FTO: variants seen among roughly 807,000 people sequenced by gnomAD.
The protein encoded by FTO is FTO alpha-ketoglutarate dependent dioxygenase, also known as alpha-ketoglutarate-dependent dioxygenase FTO.
FTO carries 47 observed loss-of-function variants against 63.9 expected under a neutral mutation model. The ratio of observed to expected loss-of-function variants is 0.74; its 90% CI spans 0.58 to 0.94. The LOEUF is 0.94. Ranked by LOEUF, FTO falls within the 40% of genes least tolerant of loss-of-function variation. The probability of loss-of-function intolerance (pLI) is 0.00; values close to 1 mark genes in which losing one functional copy is unlikely to be tolerated. For synonymous variants in FTO, 207 were observed against 224.4 expected, an observed-to-expected ratio of 0.92 and a Z score of 0.69; for missense variants, 562 against 618.1, an observed-to-expected ratio of 0.91 and a Z score of 0.96.
intron 8 of FTO, among the ~76,000 whole-genome samples, chr16:53,951,029 G>A (rs1461721895): frequency 6.6e-6 from 1 of 152,072 alleles, no homozygotes; most frequent in Admixed American, 6.5e-5. Context: ...TTTATGTCCC[G>A]TTCTATATAG....
At chr16:54,082,215 A>C (rs1249967779) in intron 8 of FTO, among the ~76,000 whole-genome samples, 1 of 152,164 alleles carries the variant, frequency 6.6e-6, no homozygotes, top group African/African-American at 2.4e-5. Flanking sequence ...ACTCTCTCCA[A>C]ACTTTCCAGT....
intron 3 of FTO, among the ~76,000 whole-genome samples, chr16:53,841,357 T>TA (rs78861059): frequency 0.45 from 68,776 of 151,592 alleles, 16,119 homozygotes; most frequent in South Asian, 0.55. Context: ...GTTATTCTGT[T>TA]AAAAAAACCT....
chr16:53,755,892 CCT>C (rs2076913419), intron 1 of FTO, among the ~76,000 whole-genome samples: 2 of 152,124 alleles, frequency 1.3e-5, no homozygotes, highest in Non-Finnish European at 2.9e-5. Flanking sequence ...AGGGGCCGGG[CCT>C]CTGAGAACTT....
Position 53,796,051 on chromosome 16 carries a change from T to TTCTTTC in FTO, c.46-14088_46-14087insCTTTCT, listed in dbSNP as rs201399553. Among the ~76,000 whole-genome samples the TTCTTTC allele has an allele frequency of 1.5e-3, 202 of 139,250 alleles. 1 individual carries two copies. The highest frequency in any genetic ancestry group is 4.7e-3 in the African/African-American group (180 of 38,590). The allele number at this position is 139,250 out of a possible 152,430, so 91.4% of individuals were successfully genotyped here. ...TTGTTTTTTTTCTTTCTTTCTTTCT[T>TTCTTTC]TTTTTTTTTTTTTTGGAGACGGAGT... On this transcript the variant is annotated intron_variant, in intron 1 of 8. Coordinates refer to ENST00000471389, the MANE Select transcript of FTO (RefSeq NM_001080432.3).
intron 5 of FTO, among the ~76,000 whole-genome samples, chr16:53,879,244 C>T (rs1162517223): frequency 1.3e-5 from 2 of 152,128 alleles, no homozygotes; most frequent in Admixed American, 6.6e-5. Context: ...ATAAATAGGG[C>T]GTTAGCCTCC....
chr16:53,707,885 C>T (rs906411512), intron 1 of FTO, among the ~76,000 whole-genome samples: 4 of 152,196 alleles, frequency 2.6e-5, no homozygotes, highest in African/African-American at 9.7e-5. Flanking sequence ...TTTCTCAATT[C>T]TACTTCCTCC....
At chr16:53,852,701 T>C (rs1233276781) in intron 4 of FTO, among the ~76,000 whole-genome samples, 1 of 152,218 alleles carries the variant, frequency 6.6e-6, no homozygotes, top group Non-Finnish European at 1.5e-5. Context: ...ATACTGCACA[T>C]GTCAGGTCAA....
chr16:53,796,120 C>T (rs1337794716), intron 1 of FTO, among the ~76,000 whole-genome samples: 2 of 149,054 alleles, frequency 1.3e-5, no homozygotes, highest in African/African-American at 5.0e-5. Flanking sequence ...GCAATGCTGA[C>T]TGCAACCTCC....
intron 8 of FTO, chr16:53,935,895 G>A (rs2082380963): frequency 6.6e-6 from 1 of 152,176 alleles, no homozygotes; most frequent in South Asian, 2.1e-4. Context: ...GATGTCTTAT[G>A]TCGCCCTCAC....
At chr16:53,991,865 G>A (rs2083818636) in intron 8 of FTO, 1 of 152,152 alleles carries the variant, frequency 6.6e-6, no homozygotes, top group Non-Finnish European at 1.5e-5. Context: ...AACTGAAATT[G>A]TTTTGTTCTG....
chr16:54,112,477 A>G lies in FTO; in HGVS notation c.*562A>G, dbSNP rs1312277731. 2.4e-5 allele frequency: 4 copies of G among 167,970 alleles called. No individual in the cohort carries two copies. Among genetic ancestry groups the G allele is most frequent in the African/African-American group, 9.6e-5 (4 of 41,622 alleles). 10.4% of individuals were successfully genotyped at this position (167,970 alleles called of 1,614,324 possible). A position where few individuals can be genotyped will look rare whatever the true frequency, so the allele number is the denominator to read the frequency against. On this transcript the variant is annotated 3_prime_UTR_variant, in exon 9 of 9. Transcript: ENST00000471389. ...GCCTCATGTGGCTAGTGACTGCTGT[A>G]TTGGACGGTACAGATATGGAACATT...
intron 1 of FTO, among the ~76,000 whole-genome samples, chr16:53,809,762 C>T (rs182169786): frequency 5.9e-5 from 9 of 151,982 alleles, no homozygotes; most frequent in Non-Finnish European, 5.9e-5. Context: ...GGCAACATAG[C>T]GAGACCTTGT....
At chr16:53,868,044 G>C (rs571908285) in intron 4 of FTO, among the ~76,000 whole-genome samples, 1 of 152,162 alleles carries the variant, frequency 6.6e-6, no homozygotes, top group East Asian at 1.9e-4. Flanking sequence ...TAGTATATCT[G>C]TCTTCTTTGT....
intron 1 of FTO, among the ~76,000 whole-genome samples, chr16:53,778,445 G>C (rs574803592): frequency 7.2e-4 from 110 of 152,260 alleles, no homozygotes; most frequent in African/African-American, 2.5e-3. Flanking sequence ...GGCTTGATTA[G>C]TGACAAGGCA....
chr16:53,955,152 A>G (rs2082898760), intron 8 of FTO, among the ~76,000 whole-genome samples: 1 of 152,174 alleles, frequency 6.6e-6, no homozygotes, highest in South Asian at 2.1e-4. Context: ...CTTAATTTGT[A>G]TCTGAGTATC....
chr16:54,054,002 G>A (rs1159364567), intron 8 of FTO, among the ~76,000 whole-genome samples: 3 of 151,990 alleles, frequency 2.0e-5, no homozygotes, highest in Admixed American at 6.6e-5. Flanking sequence ...CGTGCACTTA[G>A]ATCCTGGTGT....
intron 8 of FTO, among the ~76,000 whole-genome samples, chr16:54,000,418 A>G (rs1347053127): frequency 1.3e-5 from 2 of 152,300 alleles, no homozygotes; most frequent in Non-Finnish European, 2.9e-5. Flanking sequence ...TGGATTCTGG[A>G]TAGTTTTCTC....
chr16:53,953,893 G>A (rs769147756), intron 8 of FTO, among the ~76,000 whole-genome samples: 13 of 152,236 alleles, frequency 8.5e-5, no homozygotes, highest in African/African-American at 2.9e-4. Context: ...GTGAAACAAT[G>A]TGTGGTGATG....
chr16:53,816,506 C>A (rs572724934), intron 2 of FTO, among the ~76,000 whole-genome samples: 1 of 135,234 alleles, frequency 7.4e-6, no homozygotes, highest in Non-Finnish European at 1.6e-5. Flanking sequence ...CCCACCCCCC[C>A]TCACACTTTT....
Sources: allele counts gnomAD v4.1 joint callset (sites outside exome capture counted in the v4.1 genomes callset), GRCh38; gene constraint gnomAD v4.1.1; transcripts MANE v1.5; gene names NCBI Gene and HGNC (gene_info 2026-07-23, HGNC 2026-07-21).